WDR7: variants seen among roughly 807,000 people sequenced by gnomAD.
The protein encoded by WDR7 is WD repeat-containing protein 7.
In WDR7, 46 loss-of-function variants were observed where a neutral mutation model predicts 169.4. That is an observed-to-expected ratio of 0.27 (90% CI 0.21 to 0.35). WDR7 has a LOEUF of 0.35. Among genes scored for constraint, WDR7 ranks in the 10% least tolerant of loss-of-function variants. The probability of loss-of-function intolerance (pLI) is 1.00; values close to 1 mark genes in which losing one functional copy is unlikely to be tolerated. For missense variants in WDR7, 1,534 were observed against 1,859.3 expected (o/e 0.83, Z 3.22); for synonymous variants, 612 against 666.8 (o/e 0.92, Z 1.27).
chr18:56,964,910 AC>A (rs1737378442), intron 26 of WDR7, among the ~76,000 whole-genome samples: 1 of 152,250 alleles, frequency 6.6e-6, no homozygotes, highest in African/African-American at 2.4e-5. Context: ...GTGACACTGA[AC>A]TCTTAAGCTA....
chr18:56,833,574 T>A (rs148887003), intron 20 of WDR7, among the ~76,000 whole-genome samples: 120 of 152,336 alleles, frequency 7.9e-4, no homozygotes, highest in African/African-American at 2.6e-3. Context: ...AAAATGAATG[T>A]CTGCGTTACA....
At chr18:56,826,273 A>G (rs924000270) in intron 20 of WDR7, among the ~76,000 whole-genome samples, 4 of 152,228 alleles carry the variant, frequency 2.6e-5, no homozygotes, top group African/African-American at 9.6e-5. Context: ...GTAATTCACA[A>G]AAGTAATGAC....
chr18:56,714,748 A>C (rs1185718549), intron 12 of WDR7, among the ~76,000 whole-genome samples: 1 of 152,024 alleles, frequency 6.6e-6, no homozygotes, highest in Non-Finnish European at 1.5e-5. Flanking sequence ...TGAGCTTGTT[A>C]TTTGCAAATT....
intron 26 of WDR7, among the ~76,000 whole-genome samples, chr18:56,989,799 T>C (rs1432673685): frequency 6.6e-6 from 1 of 152,196 alleles, no homozygotes; most frequent in Non-Finnish European, 1.5e-5. Flanking sequence ...GTTCCTACAT[T>C]GAAAATGTCC....
chr18:56,903,813 G>A (rs1486198623), intron 21 of WDR7, among the ~76,000 whole-genome samples: 1 of 152,106 alleles, frequency 6.6e-6, no homozygotes, highest in African/African-American at 2.4e-5. Context: ...CATCTCACTG[G>A]TGATAAGCAA....
intron 1 of WDR7, among the ~76,000 whole-genome samples, chr18:56,661,959 CTT>C (rs1487005352): frequency 3.3e-5 from 5 of 152,220 alleles, no homozygotes; most frequent in Admixed American, 2.6e-4. Flanking sequence ...TGGGTACACT[CTT>C]TTGACAAATG....
intron 19 of WDR7, among the ~76,000 whole-genome samples, chr18:56,791,809 T>G (rs1399842048): frequency 1.3e-5 from 2 of 152,292 alleles, no homozygotes; most frequent in Non-Finnish European, 2.9e-5. Flanking sequence ...TTCTCCGTTT[T>G]GTCACTACCC....
chr18:56,717,942 T>G, intron 12 of WDR7, 22 bp from the exon 13 acceptor site: 1 of 1,553,732 alleles, frequency 6.4e-7, no homozygotes, highest in Non-Finnish European at 8.7e-7. Context: ...TAAACACAAT[T>G]AAGGTTTATT....
At chr18:56,973,543 A>G (rs2047522741) in intron 26 of WDR7, among the ~76,000 whole-genome samples, 1 of 152,126 alleles carries the variant, frequency 6.6e-6, no homozygotes, top group South Asian at 2.1e-4. Flanking sequence ...AGGAAATACT[A>G]GATAGAAGAG....
chr18:56,831,497 G>T (rs140498874), intron 20 of WDR7, among the ~76,000 whole-genome samples: 241 of 152,268 alleles, frequency 1.6e-3, no homozygotes, highest in Non-Finnish European at 1.4e-3. Flanking sequence ...CAAAGGTAGC[G>T]CAAGTGCTTG....
intron 7 of WDR7, among the ~76,000 whole-genome samples, chr18:56,690,258 G>A (rs1017428270): frequency 1.3e-5 from 2 of 152,024 alleles, no homozygotes; most frequent in East Asian, 1.9e-4. Context: ...TAACATCTGC[G>A]GTGATTCTCA....
At chr18:56,973,734 G>A (rs2047524586) in intron 26 of WDR7, among the ~76,000 whole-genome samples, 2 of 152,184 alleles carry the variant, frequency 1.3e-5, no homozygotes, top group Non-Finnish European at 2.9e-5. Flanking sequence ...AGGTTGTAAA[G>A]AGTGCTGATG....
chr18:56,965,946 C>G (rs1042356235), intron 26 of WDR7, among the ~76,000 whole-genome samples: 14 of 152,088 alleles, frequency 9.2e-5, no homozygotes, highest in Non-Finnish European at 1.5e-5. Context: ...AGTTTATTAA[C>G]TTCTGTAAGC....
intron 19 of WDR7, among the ~76,000 whole-genome samples, chr18:56,786,746 A>G (rs1225236196): frequency 2.0e-5 from 3 of 152,024 alleles, no homozygotes; most frequent in African/African-American, 4.8e-5. Context: ...ATGGTAATGG[A>G]CTTAAATAAT....
chr18:56,689,839 A>G (rs1555677990), intron 7 of WDR7, among the ~76,000 whole-genome samples: 6 of 129,848 alleles, frequency 4.6e-5, no homozygotes. Context: ...AACAGATAAT[A>G]GGGCTGGAGG....
intron 11 of WDR7, among the ~76,000 whole-genome samples, chr18:56,695,558 G>A (rs1476026604): frequency 7.0e-6 from 1 of 143,806 alleles, no homozygotes; most frequent in Non-Finnish European, 1.5e-5. Flanking sequence ...TTTTTTCCGA[G>A]AAAGAGTCTC....
At chr18:56,941,572 A>C (rs906619904) in intron 25 of WDR7, among the ~76,000 whole-genome samples, 1 of 152,192 alleles carries the variant, frequency 6.6e-6, no homozygotes, top group Non-Finnish European at 1.5e-5. Flanking sequence ...TAGGTTGAGG[A>C]TAGGAGTCTA....
intron 13 of WDR7, among the ~76,000 whole-genome samples, chr18:56,726,080 A>G (rs370674394): frequency 4.6e-5 from 7 of 152,206 alleles, no homozygotes. Context: ...GTTTGAAGTC[A>G]GGTAGCATGA....
At chr18:56,836,897 TCTG>T (rs1275264091) in intron 20 of WDR7, among the ~76,000 whole-genome samples, 2 of 152,236 alleles carry the variant, frequency 1.3e-5, no homozygotes, top group African/African-American at 2.4e-5. Flanking sequence ...TATTAATTCT[TCTG>T]CATATTTTTA....
Sources: gnomAD v4.1 joint callset for allele counts (sites outside exome capture counted in the v4.1 genomes callset) on GRCh38, gnomAD v4.1.1 for gene constraint, MANE v1.5 for transcripts, NCBI Gene and HGNC (gene_info 2026-07-23, HGNC 2026-07-21) for gene names.